Variants in PMM2 observed in about 807,000 individuals in gnomAD.
PMM2 encodes phosphomannomutase 2.
A neutral mutation model predicts 33.2 loss-of-function variants in PMM2; 35 were observed. That is an observed-to-expected ratio of 1.06 (90% confidence interval 0.81 to 1.40). The LOEUF is 1.40. PMM2 is among the 40% of genes most tolerant of loss of function. The probability of loss-of-function intolerance (pLI) is 0.00; values close to 1 mark genes in which losing one functional copy is unlikely to be tolerated. For synonymous variants in PMM2, 153 were observed against 114.7 expected, an observed-to-expected ratio of 1.33 and a Z score of -2.13; for missense variants, 386 against 306.0, an observed-to-expected ratio of 1.26 and a Z score of -1.95.
At chr16:8,804,906 A>G in intron 3 of PMM2, 63 bp downstream of exon 3, 1 of 971,764 alleles carries the variant, frequency 1.0e-6, no homozygotes, top group Non-Finnish European at 1.7e-6. Flanking sequence ...AGGGCATTTC[A>G]CAATGAATGC....
chr16:8,837,825 C>T (rs1009902956), intron 7 of PMM2, among the ~76,000 whole-genome samples: 5 of 152,040 alleles, frequency 3.3e-5, no homozygotes, highest in East Asian at 1.9e-4. Flanking sequence ...AATAATCAGG[C>T]GTCCCTGCAG....
chr16:8,842,755 T>G (rs2141047050), intron 7 of PMM2, among the ~76,000 whole-genome samples: 1 of 152,298 alleles, frequency 6.6e-6, no homozygotes, highest in South Asian at 2.1e-4. Flanking sequence ...AAGAAGAGTT[T>G]ATAGGTTTTA....
chr16:8,833,267 A>T (rs12920654), intron 7 of PMM2, among the ~76,000 whole-genome samples: 36,819 of 152,154 alleles, frequency 0.24, 4,941 homozygotes, highest in East Asian at 0.4. Context: ...GGGGAGAATT[A>T]CAAAGAACCT....
intron 7 of PMM2, among the ~76,000 whole-genome samples, chr16:8,836,165 G>C (rs1288495102): frequency 1.5e-5 from 2 of 137,772 alleles, no homozygotes; most frequent in Non-Finnish European, 3.2e-5. Flanking sequence ...ATGTGGAGTG[G>C]GTAGCCTCCG....
intron 7 of PMM2, among the ~76,000 whole-genome samples, chr16:8,844,705 G>C (rs978184440): frequency 1.3e-4 from 20 of 152,312 alleles, no homozygotes; most frequent in African/African-American, 3.6e-4. Context: ...TTCCCAGTCC[G>C]TGACCGGCGC....
chr16:8,824,406 C>G (rs1466885853), intron 7 of PMM2, among the ~76,000 whole-genome samples: 1 of 152,192 alleles, frequency 6.6e-6, no homozygotes, highest in Non-Finnish European at 1.5e-5. Context: ...GTTAAAGATG[C>G]AGTCAACAAG....
At chr16:8,828,694 C>G (rs145089115) in intron 7 of PMM2, among the ~76,000 whole-genome samples, 94 of 152,304 alleles carry the variant, frequency 6.2e-4, no homozygotes, top group Non-Finnish European at 1.1e-3. Flanking sequence ...AAGTTTGGAA[C>G]TGACCAGTCT....
At chr16:8,827,442 A>G (rs2060775502) in intron 7 of PMM2, among the ~76,000 whole-genome samples, 1 of 149,730 alleles carries the variant, frequency 6.7e-6, no homozygotes, top group Admixed American at 6.7e-5. Context: ...CCCAGGCTAG[A>G]TAGAGTGCAA....
At chr16:8,827,927 T>A (rs2060786375) in intron 7 of PMM2, among the ~76,000 whole-genome samples, 2 of 72,888 alleles carry the variant, frequency 2.7e-5, no homozygotes, top group South Asian at 1.1e-3. Context: ...ATGTTTTATA[T>A]ATAATATATA....
At chr16:8,817,832 TGTTTTA>T (rs746302805) in intron 7 of PMM2, among the ~76,000 whole-genome samples, 8 of 152,182 alleles carry the variant, frequency 5.3e-5, no homozygotes, top group Non-Finnish European at 7.3e-5. Flanking sequence ...CCTTACATGT[TGTTTTA>T]GTTTTAGTTT....
rs752484926 is a variant in PMM2, at chr16:8,804,031, GTTT to G, written c.179-718_179-716del. Among the ~76,000 whole-genome samples, 789 of 87,482 alleles carry G rather than the reference GTTT, an allele frequency of 9.0e-3. 22 individuals carry two copies. The highest frequency in any genetic ancestry group is 0.034 in the African/African-American group (738 of 21,948). The allele number at this position is 87,482 out of a possible 152,430, so 57.4% of individuals were successfully genotyped here. On this transcript the variant is annotated intron_variant, in intron 2 of 7. Coordinates refer to ENST00000268261, the MANE Select transcript of PMM2 (RefSeq NM_000303.3). ...GTTTTTTGTTTTTTGGGTTTTTTTT[GTTT>G]TTTTTTTTTTTTTTTTTGACGTTAG...
intron 7 of PMM2, among the ~76,000 whole-genome samples, chr16:8,838,454 C>T (rs996284354): frequency 4.6e-5 from 7 of 151,422 alleles, no homozygotes; most frequent in African/African-American, 1.5e-4. Flanking sequence ...AGTATTGGGG[C>T]GGTGAAAATT....
intron 1 of PMM2, among the ~76,000 whole-genome samples, chr16:8,798,865 G>A (rs1252832241): frequency 6.6e-6 from 1 of 152,078 alleles, no homozygotes; most frequent in Non-Finnish European, 1.5e-5. Flanking sequence ...TGGTAACAAT[G>A]GTGTGCTCCA....
intron 7 of PMM2, among the ~76,000 whole-genome samples, chr16:8,830,149 G>A (rs1013715363): frequency 6.6e-6 from 1 of 152,226 alleles, no homozygotes; most frequent in African/African-American, 2.4e-5. Context: ...TGGTGCCAGT[G>A]TCAGCCCCCA....
rs772410793 is a variant in PMM2 at position 8,847,764 on chromosome 16, T to C, written c.680T>C (p.Met227Thr). 17 of 1,614,066 alleles carry C rather than the reference T, an allele frequency of 1.1e-5. 2 individuals are homozygous for C. The South Asian group carries it at 1.8e-4, about 17-fold the overall frequency. ...GAGATCTTCACAGACCCCAGAACCA[T>C]GGGCTACTCCGTGACAGCGCCTGAG... ...DHEIFTDPRT[M>T]GYSVTAPEDT... The change falls in exon 8 of 8, where the codon ATG becomes ACG. Residue 227 changes from methionine (M) to threonine (T), a missense_variant. Met to Thr is a moderately conservative substitution (Grantham distance 81). Coordinates refer to ENST00000268261, the MANE Select transcript of PMM2 (RefSeq NM_000303.3).
At chr16:8,825,729 C>G (rs2060763436) in intron 7 of PMM2, among the ~76,000 whole-genome samples, 1 of 149,968 alleles carries the variant, frequency 6.7e-6, no homozygotes, top group African/African-American at 2.5e-5. Context: ...TGTTTGTTAA[C>G]AAATCAGTGT....
chr16:8,833,139 A>G (rs991265419), intron 7 of PMM2, among the ~76,000 whole-genome samples: 2 of 152,106 alleles, frequency 1.3e-5, no homozygotes, highest in Non-Finnish European at 2.9e-5. Context: ...GTCCCAAAAG[A>G]GAGTCAGCAA....
intron 7 of PMM2, among the ~76,000 whole-genome samples, chr16:8,818,474 C>G (rs2060719831): frequency 6.6e-6 from 1 of 152,240 alleles, no homozygotes; most frequent in African/African-American, 2.4e-5. Context: ...TAGCCTTACA[C>G]TTTGCATTTT....
At chr16:8,817,561 TTTTGGGAATTCTTCA>T (rs1360959705) in intron 7 of PMM2, among the ~76,000 whole-genome samples, 1 of 152,260 alleles carries the variant, frequency 6.6e-6, no homozygotes, top group African/African-American at 2.4e-5. Flanking sequence ...AAATGACTTA[TTTTGGGAATTCTTCA>T]TTTGGGAATT....
Sources: allele counts gnomAD v4.1 joint callset (sites outside exome capture counted in the v4.1 genomes callset), GRCh38; gene constraint gnomAD v4.1.1; transcripts MANE v1.5; gene names NCBI Gene and HGNC (gene_info 2026-07-23, HGNC 2026-07-21).